CNTNAP2: variants seen among roughly 807,000 people sequenced by gnomAD.
CNTNAP2 encodes the protein contactin associated protein 2, also known as contactin-associated protein-like 2.
A neutral mutation model predicts 155.2 loss-of-function variants in CNTNAP2; 98 were observed. That is an observed-to-expected ratio of 0.63 (90% CI 0.54 to 0.75). The LOEUF is 0.75. Among genes scored for constraint, CNTNAP2 ranks in the 30% least tolerant of loss-of-function variants. The pLI is 0.00. For synonymous variants in CNTNAP2, 651 were observed against 631.2 expected, an observed-to-expected ratio of 1.03 and a Z score of -0.47; for missense variants, 1,727 against 1,688.1, an observed-to-expected ratio of 1.02 and a Z score of -0.40.
chr7:147,573,560 C>A (rs1182857412), intron 12 of CNTNAP2, among the ~76,000 whole-genome samples: 1 of 152,164 alleles, frequency 6.6e-6, no homozygotes, highest in African/African-American at 2.4e-5. Flanking sequence ...AAATGAATGC[C>A]TTTGCTGCTC....
chr7:146,905,144 C>G (rs1026240124), intron 3 of CNTNAP2, among the ~76,000 whole-genome samples: 5 of 152,008 alleles, frequency 3.3e-5, no homozygotes, highest in African/African-American at 1.2e-4. Flanking sequence ...TCCGCCCCTA[C>G]TCACGTTGTG....
chr7:147,925,156 AAGGAAGGAAGGAAGGAAGGAAG>A (rs1205377019), intron 14 of CNTNAP2, among the ~76,000 whole-genome samples: 3 of 61,294 alleles, frequency 4.9e-5, no homozygotes, highest in Admixed American at 3.3e-4. Context: ...AGAGAGAGAG[AAGGAAGGAAGGAAGGAAGGAAG>A]GAAGGAAGGA....
chr7:146,277,870 G>A (rs1563018746), intron 1 of CNTNAP2, among the ~76,000 whole-genome samples: 1 of 152,134 alleles, frequency 6.6e-6, no homozygotes, highest in East Asian at 1.9e-4. Flanking sequence ...TGAAAGTGGA[G>A]TGGGTACTTT....
intron 11 of CNTNAP2, among the ~76,000 whole-genome samples, chr7:147,496,326 A>G (rs540280679): frequency 1.1e-4 from 16 of 152,250 alleles, no homozygotes; most frequent in Non-Finnish European, 2.4e-4. Flanking sequence ...TCACTGAATG[A>G]TATTTAAGTT....
chr7:148,230,966 C>A (rs574776154), intron 20 of CNTNAP2, among the ~76,000 whole-genome samples: 4 of 152,196 alleles, frequency 2.6e-5, no homozygotes, highest in Admixed American at 6.5e-5. Flanking sequence ...CGTTTTACAT[C>A]ATTTCATCAA....
intron 8 of CNTNAP2, among the ~76,000 whole-genome samples, chr7:147,251,360 G>A (rs941708868): frequency 2.8e-4 from 43 of 152,284 alleles, no homozygotes; most frequent in African/African-American, 9.9e-4. Context: ...GAACTGGTTT[G>A]TTAACCCTTT....
chr7:146,849,180 T>G (rs1794822287), intron 3 of CNTNAP2, among the ~76,000 whole-genome samples: 1 of 152,206 alleles, frequency 6.6e-6, no homozygotes, highest in Admixed American at 6.5e-5. Context: ...TGGAAGAACC[T>G]TGGAGTTTAT....
At chr7:146,342,188 A>G (rs1220767788) in intron 1 of CNTNAP2, among the ~76,000 whole-genome samples, 2 of 152,162 alleles carry the variant, frequency 1.3e-5, no homozygotes, top group African/African-American at 4.8e-5. Context: ...GTGGAAGATT[A>G]TTCTTCAGAG....
intron 3 of CNTNAP2, among the ~76,000 whole-genome samples, chr7:146,887,742 T>C (rs543334028): frequency 5.9e-5 from 9 of 152,290 alleles, no homozygotes; most frequent in African/African-American, 2.2e-4. Flanking sequence ...GGCTTCCTGA[T>C]ATGCTTTTTT....
chr7:147,159,524 C>A (rs1801987120), intron 8 of CNTNAP2, among the ~76,000 whole-genome samples: 1 of 151,758 alleles, frequency 6.6e-6, no homozygotes, highest in Non-Finnish European at 1.5e-5. Context: ...AACATATAAC[C>A]AACTCTATTC....
intron 13 of CNTNAP2, among the ~76,000 whole-genome samples, chr7:147,820,770 A>T (rs375229735): frequency 6.6e-6 from 1 of 152,142 alleles, no homozygotes; most frequent in Non-Finnish European, 1.5e-5. Context: ...ACTTAAAATG[A>T]CTTTCCTTAA....
At chr7:146,854,276 A>G (rs1226942168) in intron 3 of CNTNAP2, among the ~76,000 whole-genome samples, 2 of 152,238 alleles carry the variant, frequency 1.3e-5, no homozygotes, top group African/African-American at 2.4e-5. Context: ...AAGAGGATAC[A>G]AAGAAATTTT....
At chr7:147,404,349 G>A (rs1052692192) in intron 10 of CNTNAP2, among the ~76,000 whole-genome samples, 10 of 152,080 alleles carry the variant, frequency 6.6e-5, no homozygotes, top group Non-Finnish European at 1.3e-4. Context: ...ACTGTGCTTC[G>A]GACAAAAGCT....
chr7:147,025,815 G>A (rs1307715737), intron 3 of CNTNAP2, among the ~76,000 whole-genome samples: 1 of 150,772 alleles, frequency 6.6e-6, no homozygotes, highest in African/African-American at 2.4e-5. Context: ...ATAGCTAAAT[G>A]CATGTGCTTG....
chr7:146,337,621 C>T (rs1563044635), intron 1 of CNTNAP2, among the ~76,000 whole-genome samples: 1 of 140,932 alleles, frequency 7.1e-6, no homozygotes, highest in Non-Finnish European at 1.5e-5. Flanking sequence ...ACATACCTGG[C>T]TTTTTTGTTT....
chr7:147,274,057 C>T (rs891488938), intron 8 of CNTNAP2, among the ~76,000 whole-genome samples: 3 of 151,162 alleles, frequency 2.0e-5, no homozygotes, highest in African/African-American at 7.3e-5. Flanking sequence ...CACACACAAA[C>T]ACAGAGACAC....
chr7:147,128,048 T>A (rs991861704), intron 6 of CNTNAP2, among the ~76,000 whole-genome samples: 1 of 152,070 alleles, frequency 6.6e-6, no homozygotes, highest in African/African-American at 2.4e-5. Context: ...TAAGTAGCAT[T>A]GTCTTATTTC....
chr7:146,126,128 C>T (rs921407300), intron 1 of CNTNAP2, among the ~76,000 whole-genome samples: 6 of 152,192 alleles, frequency 3.9e-5, no homozygotes, highest in Non-Finnish European at 8.8e-5. Context: ...CCAGCTTGGC[C>T]TATTTCCAGG....
chr7:148,310,958 G>C (rs895904718), intron 21 of CNTNAP2, among the ~76,000 whole-genome samples: 31 of 152,082 alleles, frequency 2.0e-4, no homozygotes, highest in Non-Finnish European at 7.4e-5. Context: ...ACAAGAAGAG[G>C]GCTTTGGAGA....
Sources: gnomAD v4.1 joint callset for allele counts (sites outside exome capture counted in the v4.1 genomes callset) on GRCh38, gnomAD v4.1.1 for gene constraint, MANE v1.5 for transcripts, NCBI Gene and HGNC (gene_info 2026-07-23, HGNC 2026-07-21) for gene names.